Variants in RBFOX1 observed in about 807,000 individuals in gnomAD.
RBFOX1 encodes the protein RNA binding fox-1 homolog 1, also known as RNA binding protein fox-1 homolog 1.
RBFOX1 carries 8 observed loss-of-function variants against 57.7 expected under a neutral mutation model. The observed-to-expected ratio is 0.14, with a 90% CI of 0.08 to 0.25. The LOEUF is 0.25. Ranked by LOEUF, RBFOX1 falls within the 10% of genes least tolerant of loss-of-function variation. The pLI, the probability that RBFOX1 is intolerant of heterozygous loss-of-function variation, is 1.00. For synonymous variants in RBFOX1, 326 were observed against 222.4 expected, an observed-to-expected ratio of 1.47 and a Z score of -4.15; for missense variants, 611 against 548.5, an observed-to-expected ratio of 1.11 and a Z score of -1.14.
intron 3 of RBFOX1, among the ~76,000 whole-genome samples, chr16:5,856,245 A>G (rs1390117164): frequency 4.9e-5 from 2 of 40,614 alleles, no homozygotes; most frequent in African/African-American, 8.0e-5. Flanking sequence ...ATATGTGTAT[A>G]TATATGTATA....
chr16:6,790,819 T>G lies in RBFOX1; in HGVS notation c.-16+136169T>G, dbSNP rs569789328. 7.2e-5 allele frequency among the ~76,000 whole-genome samples: 11 copies of G among 152,300 alleles called. 1 individual carries two copies. In the South Asian group the frequency reaches 2.3e-3, roughly 32 times the overall value. ...GTTCTGCTAGAGGGTGGTATTTATT[T>G]TCAAATCACAGTTATTTAACTTTAT... On this transcript the variant is annotated intron_variant, in intron 3 of 15. Transcript: ENST00000550418.
rs545083456 is a variant in RBFOX1 at position 7,211,682 on chromosome 16, A to C, written c.27+159584A>C. 2.3e-4 allele frequency among the ~76,000 whole-genome samples: 35 copies of C among 152,122 alleles called. 1 individual carries two copies. The highest frequency in any genetic ancestry group is 3.7e-4 in the Non-Finnish European group (25 of 68,038). On this transcript the variant is annotated intron_variant, in intron 4 of 15. Coordinates refer to ENST00000550418, the MANE Select transcript of RBFOX1 (RefSeq NM_018723.4). ...ATGAACAAGAATGTAAGTTACACTG[A>C]TTCCTGCCCTGGGGTAATGGGTGGG...
intron 3 of RBFOX1, among the ~76,000 whole-genome samples, chr16:5,759,095 T>A (rs2053499462): frequency 6.6e-6 from 1 of 152,222 alleles, no homozygotes; most frequent in Non-Finnish European, 1.5e-5. Flanking sequence ...TATATACTTC[T>A]CTGAAGAACA....
intron 2 of RBFOX1, among the ~76,000 whole-genome samples, chr16:6,512,283 CAAAAAAA>C (rs565248640): frequency 3.4e-5 from 3 of 86,974 alleles, no homozygotes; most frequent in Admixed American, 1.5e-4. Flanking sequence ...GACCCTGTAT[CAAAAAAA>C]AAAAAAAAAG....
chr16:7,055,167 C>G (rs529438165), intron 4 of RBFOX1, among the ~76,000 whole-genome samples: 1 of 152,110 alleles, frequency 6.6e-6, no homozygotes, highest in African/African-American at 2.4e-5. Context: ...TGCAGGTCTT[C>G]TCATAGCCTT....
At chr16:6,657,514 T>A (rs1056569826) in intron 3 of RBFOX1, among the ~76,000 whole-genome samples, 2 of 151,798 alleles carry the variant, frequency 1.3e-5, no homozygotes, top group Non-Finnish European at 2.9e-5. Flanking sequence ...GCAGCCAGAG[T>A]GATTGCCGTC....
intron 1 of RBFOX1, among the ~76,000 whole-genome samples, chr16:6,147,544 TAGG>T (rs1567560546): frequency 6.6e-6 from 1 of 151,864 alleles, no homozygotes; most frequent in African/African-American, 2.4e-5. Flanking sequence ...AGGTCCCCAA[TAGG>T]AGCTACCTCA....
At chr16:7,681,333 A>G (rs1283568133) in intron 14 of RBFOX1, among the ~76,000 whole-genome samples, 1 of 152,148 alleles carries the variant, frequency 6.6e-6, no homozygotes, top group East Asian at 1.9e-4. Context: ...GCCCTCTAAT[A>G]TTTCATCATA....
At chr16:7,374,117 A>C (rs1352936632) in intron 4 of RBFOX1, among the ~76,000 whole-genome samples, 1 of 152,160 alleles carries the variant, frequency 6.6e-6, no homozygotes, top group Non-Finnish European at 1.5e-5. Context: ...TGTGGAACGA[A>C]GGGCCACCAA....
chr16:6,158,701 A>C (rs1043178528), intron 1 of RBFOX1, among the ~76,000 whole-genome samples: 4 of 152,158 alleles, frequency 2.6e-5, no homozygotes, highest in Non-Finnish European at 4.4e-5. Flanking sequence ...GCTTACCTGA[A>C]GACATTTTGC....
chr16:5,240,009 G>C, exon 1 of RBFOX1: 3 of 1,531,400 alleles, frequency 2.0e-6, no homozygotes, highest in Non-Finnish European at 2.6e-6. Flanking sequence ...GGCTGGAGGG[G>C]GGAAGCGCAC....
chr16:6,722,738 G>A (rs2066275808), intron 3 of RBFOX1, among the ~76,000 whole-genome samples: 1 of 152,096 alleles, frequency 6.6e-6, no homozygotes, highest in Admixed American at 6.5e-5. Context: ...CTGAATTAAG[G>A]GCCCCGTTCA....
At chr16:7,478,998 C>T (rs889219642) in intron 4 of RBFOX1, among the ~76,000 whole-genome samples, 3 of 152,044 alleles carry the variant, frequency 2.0e-5, no homozygotes, top group Non-Finnish European at 2.9e-5. Context: ...CTCACTTAGA[C>T]GTACCAGCCA....
chr16:5,970,535 C>T (rs1205964598), intron 4 of RBFOX1, among the ~76,000 whole-genome samples: 8 of 152,098 alleles, frequency 5.3e-5, no homozygotes. Flanking sequence ...CAGTTTCAAC[C>T]AATGAGTTGC....
intron 4 of RBFOX1, among the ~76,000 whole-genome samples, chr16:7,283,829 G>A (rs1288723378): frequency 6.6e-6 from 1 of 152,150 alleles, no homozygotes; most frequent in Non-Finnish European, 1.5e-5. Flanking sequence ...ACTCATTTTA[G>A]CACACAGTTC....
At chr16:5,460,172 A>G (rs539179988) in intron 1 of RBFOX1, among the ~76,000 whole-genome samples, 2 of 152,342 alleles carry the variant, frequency 1.3e-5, no homozygotes, top group South Asian at 4.1e-4. Context: ...AACCTCAGGT[A>G]TATGAGAGAC....
At chr16:7,390,695 T>A (rs776193831) in intron 4 of RBFOX1, among the ~76,000 whole-genome samples, 4 of 152,192 alleles carry the variant, frequency 2.6e-5, no homozygotes, top group African/African-American at 4.8e-5. Flanking sequence ...CAATATGCTG[T>A]CTCTTTACAG....
chr16:6,988,117 A>G (rs918377149), intron 3 of RBFOX1, among the ~76,000 whole-genome samples: 5 of 147,870 alleles, frequency 3.4e-5, no homozygotes, highest in African/African-American at 1.2e-4. Context: ...GAGAGCACTG[A>G]GAACATAGGA....
At chr16:6,166,562 G>C (rs1358380100) in intron 1 of RBFOX1, among the ~76,000 whole-genome samples, 2 of 152,066 alleles carry the variant, frequency 1.3e-5, no homozygotes, top group African/African-American at 4.8e-5. Context: ...GTGGTGACAA[G>C]GGTGACCTGA....
Sources: allele counts gnomAD v4.1 joint callset (sites outside exome capture counted in the v4.1 genomes callset), GRCh38; gene constraint gnomAD v4.1.1; transcripts MANE v1.5; gene names NCBI Gene and HGNC (gene_info 2026-07-23, HGNC 2026-07-21).